Variants in ROBO2 observed in about 807,000 individuals in gnomAD.
The protein encoded by ROBO2 is roundabout homolog 2.
Under a neutral mutation model 160.8 loss-of-function variants are expected in ROBO2, and 53 were observed. The observed-to-expected ratio is 0.33, with a 90% confidence interval of 0.26 to 0.41. The LOEUF (loss-of-function observed/expected upper bound fraction) is 0.41. Ranked by LOEUF, ROBO2 falls within the 10% of genes least tolerant of loss-of-function variation. The probability of loss-of-function intolerance (pLI) is 1.00; values close to 1 mark genes in which losing one functional copy is unlikely to be tolerated. For missense variants in ROBO2, 1,577 were observed against 1,722.4 expected, an observed-to-expected ratio of 0.92 and a Z score of 1.49; for synonymous variants, 664 against 611.7, an observed-to-expected ratio of 1.09 and a Z score of -1.26.
chr3:76,143,619 A>T (rs1436441877), intron 2 of ROBO2, among the ~76,000 whole-genome samples: 1 of 152,060 alleles, frequency 6.6e-6, no homozygotes, highest in African/African-American at 2.4e-5. Flanking sequence ...AAGCCAATTC[A>T]AAAACCTCAG....
chr3:77,396,840 T>A (rs776923420), intron 2 of ROBO2, among the ~76,000 whole-genome samples: 3 of 152,220 alleles, frequency 2.0e-5, no homozygotes, highest in Non-Finnish European at 2.9e-5. Context: ...ATGTGGGCAA[T>A]TTATTCCGTG....
At chr3:77,617,530 G>T in exon 22 of ROBO2, 1 of 1,614,110 alleles carries the variant, frequency 6.2e-7, no homozygotes, top group Non-Finnish European at 8.5e-7. Context: ...AGTGATAGCT[G>T]GTGCCCACCA....
At chr3:76,132,561 C>A (rs1233486346) in intron 2 of ROBO2, among the ~76,000 whole-genome samples, 1 of 152,070 alleles carries the variant, frequency 6.6e-6, no homozygotes, top group Non-Finnish European at 1.5e-5. Context: ...CTGAAGGTAG[C>A]AGTTAAGTCC....
At chr3:76,482,868 G>A (rs1251875354) in intron 2 of ROBO2, among the ~76,000 whole-genome samples, 3 of 152,100 alleles carry the variant, frequency 2.0e-5, no homozygotes, top group African/African-American at 7.2e-5. Flanking sequence ...GCAATTTCAA[G>A]CAATTTGCAA....
intron 2 of ROBO2, among the ~76,000 whole-genome samples, chr3:77,465,810 T>C (rs542759530): frequency 6.6e-6 from 1 of 152,366 alleles, no homozygotes; most frequent in East Asian, 1.9e-4. Flanking sequence ...TGTAAGAAAC[T>C]GTGCTTTTCA....
intron 2 of ROBO2, among the ~76,000 whole-genome samples, chr3:76,427,659 GTTA>G (rs1266510040): frequency 1.3e-5 from 2 of 152,140 alleles, no homozygotes; most frequent in African/African-American, 4.8e-5. Flanking sequence ...ACAACTGATA[GTTA>G]TTATTAAATA....
At chr3:77,423,463 ATTGC>A (rs1314793635) in intron 2 of ROBO2, among the ~76,000 whole-genome samples, 2 of 152,210 alleles carry the variant, frequency 1.3e-5, no homozygotes, top group Non-Finnish European at 2.9e-5. Flanking sequence ...AATGTATGAA[ATTGC>A]CAGTTTTCAA....
intron 2 of ROBO2, among the ~76,000 whole-genome samples, chr3:76,148,486 C>T (rs1340122202): frequency 6.6e-6 from 1 of 152,062 alleles, no homozygotes; most frequent in African/African-American, 2.4e-5. Context: ...CCTTTCATTA[C>T]AGTCCTCCAT....
rs74310624 is a variant in ROBO2 at position 76,670,933 on chromosome 3, C to CT, written c.110-427068dup. 7.0e-3 allele frequency among the ~76,000 whole-genome samples: 1,009 copies of CT among 143,748 alleles called. 11 individuals carry two copies. The highest frequency in any genetic ancestry group is 0.024 in the African/African-American group (932 of 38,860). 94.3% of individuals were successfully genotyped at this position (143,748 alleles called of 152,430 possible). On this transcript the variant is annotated intron_variant, in intron 2 of 26. Coordinates refer to the ROBO2 transcript ENST00000487694. ...GAATGATTTATTTTAGATGAACTTA[C>CT]TTTTTTTTTTTTTAATCCACTGCTT...
intron 2 of ROBO2, among the ~76,000 whole-genome samples, chr3:75,986,433 C>G (rs1361750078): frequency 6.6e-6 from 1 of 151,158 alleles, no homozygotes; most frequent in Non-Finnish European, 1.5e-5. Context: ...AATTCCCTAT[C>G]TATTCTGGAT....
intron 2 of ROBO2, among the ~76,000 whole-genome samples, chr3:77,283,395 G>A (rs1028731358): frequency 6.6e-6 from 1 of 152,140 alleles, no homozygotes; most frequent in Non-Finnish European, 1.5e-5. Context: ...ATTTCAGAAT[G>A]TTTGTTTTAA....
intron 2 of ROBO2, among the ~76,000 whole-genome samples, chr3:77,342,217 C>T (rs1357017066): frequency 2.0e-5 from 3 of 152,082 alleles, no homozygotes; most frequent in African/African-American, 7.2e-5. Context: ...AGGGAAAGAA[C>T]AGCTGGATGC....
At position 77,338,218 on chromosome 3, in the gene ROBO2, T is replaced by C. The variant is rs117880058; in HGVS notation, c.389-139196T>C. 3.9e-5 allele frequency among the ~76,000 whole-genome samples: 6 copies of C among 152,332 alleles called. No homozygotes were observed. In the East Asian group the frequency reaches 7.7e-4, roughly 20 times the overall value. ...ATTAAGAAAAAAATTTGTTTGGAGA[T>C]AGTATTTTACTTCAGCATTTCCACA... On this transcript the variant is annotated intron_variant, in intron 2 of 25. Transcript: ENST00000461745.
At chr3:77,238,917 C>A (rs1365264724) in intron 2 of ROBO2, among the ~76,000 whole-genome samples, 1 of 152,156 alleles carries the variant, frequency 6.6e-6, no homozygotes, top group Non-Finnish European at 1.5e-5. Flanking sequence ...AATTATCATT[C>A]ATTTCCTTGT....
At chr3:76,023,222 A>T (rs1026646822) in intron 2 of ROBO2, among the ~76,000 whole-genome samples, 1 of 151,702 alleles carries the variant, frequency 6.6e-6, no homozygotes, top group African/African-American at 2.4e-5. Flanking sequence ...TGTGTTTTAC[A>T]TTCTTTATCG....
At chr3:75,955,589 A>G (rs1172961553) in intron 2 of ROBO2, among the ~76,000 whole-genome samples, 1 of 151,608 alleles carries the variant, frequency 6.6e-6, no homozygotes, top group African/African-American at 2.4e-5. Context: ...CATATGTAAC[A>G]AACCTCCACG....
intron 2 of ROBO2, among the ~76,000 whole-genome samples, chr3:76,967,526 T>C (rs1214241088): frequency 6.8e-6 from 1 of 146,338 alleles, no homozygotes; most frequent in Non-Finnish European, 1.5e-5. Flanking sequence ...TTTTTTTTTT[T>C]TTTTTTTTTT....
chr3:76,057,773 TC>T (rs2067904815), intron 2 of ROBO2, among the ~76,000 whole-genome samples: 1 of 149,200 alleles, frequency 6.7e-6, no homozygotes. Context: ...AAGTAACAAT[TC>T]AATTGGTTTT....
chr3:75,966,163 A>T (rs1576323289), intron 2 of ROBO2, among the ~76,000 whole-genome samples: 1 of 151,896 alleles, frequency 6.6e-6, no homozygotes, highest in East Asian at 2.0e-4. Context: ...CAATTAAGTA[A>T]TCCTGTTAAG....
Sources: allele counts gnomAD v4.1 joint callset (sites outside exome capture counted in the v4.1 genomes callset), GRCh38; gene constraint gnomAD v4.1.1; transcripts MANE v1.5; gene names NCBI Gene and HGNC (gene_info 2026-07-23, HGNC 2026-07-21).